TRAPPC9: variants seen among roughly 807,000 people sequenced by gnomAD.
TRAPPC9 encodes trafficking protein particle complex subunit 9, also known as IKK2 binding protein.
In TRAPPC9, 83 loss-of-function variants were observed where a neutral mutation model predicts 124.0. The observed-to-expected ratio is 0.67, with a 90% CI of 0.56 to 0.80. TRAPPC9 has a LOEUF of 0.80. TRAPPC9 is among the 30% of genes least tolerant of loss of function. The probability of loss-of-function intolerance (pLI) is 0.00; values close to 1 mark genes in which losing one functional copy is unlikely to be tolerated. For synonymous variants in TRAPPC9, 638 were observed against 617.5 expected, an observed-to-expected ratio of 1.03 and a Z score of -0.49; for missense variants, 1,302 against 1,508.3, an observed-to-expected ratio of 0.86 and a Z score of 2.27.
At chr8:139,745,514 G>A (rs1818828681) in intron 21 of TRAPPC9, among the ~76,000 whole-genome samples, 2 of 152,242 alleles carry the variant, frequency 1.3e-5, no homozygotes, top group African/African-American at 4.8e-5. Context: ...CCTTCAGCAC[G>A]CTCAAAGCGA....
Position 140,232,411 on chromosome 8 carries a change from T to C in TRAPPC9, c.2432-10828A>G, listed in dbSNP as rs546703737. On this transcript the variant is annotated intron_variant, in intron 16 of 22. Transcript: ENST00000438773. ...AACCTGGCTTCCTCACAAGGTAGTA[T>C]GAACTGCTTTTGTCCTTTTCTCTCT... Among the ~76,000 whole-genome samples, 176 of 141,796 alleles carry C rather than the reference T, an allele frequency of 1.2e-3. 1 individual carries two copies. Among genetic ancestry groups the C allele is most frequent in the African/African-American group, 4.0e-3 (163 of 41,184 alleles). The allele number at this position is 141,796 out of a possible 152,430, so 93.0% of individuals were successfully genotyped here.
chr8:140,329,621 GT>G (rs2066842900), intron 9 of TRAPPC9, among the ~76,000 whole-genome samples: 2 of 152,218 alleles, frequency 1.3e-5, no homozygotes, highest in South Asian at 4.1e-4. Flanking sequence ...CACACTGCTA[GT>G]AAGTGAGGCT....
At chr8:140,414,876 G>C (rs940600691) in intron 5 of TRAPPC9, among the ~76,000 whole-genome samples, 1 of 151,972 alleles carries the variant, frequency 6.6e-6, no homozygotes, top group African/African-American at 2.4e-5. Context: ...CCAGGAGCTG[G>C]GATTACAGAC....
Position 139,745,994 on chromosome 8 carries a change from GAC to G in TRAPPC9, c.3056-13794_3056-13793del, listed in dbSNP as rs142855925. 7.4e-4 allele frequency among the ~76,000 whole-genome samples: 112 copies of G among 152,368 alleles called. 1 individual carries two copies. The East Asian group carries it at 0.018, about 24-fold the overall frequency. On this transcript the variant is annotated intron_variant, in intron 21 of 22. Transcript: ENST00000438773. ...GGACAAGCCTGTTTTGGTTTAAAGAGACAGAGTCAGCACTTCAACCCAGGTCT... is the reference window on the plus strand; with the variant it reads ...GGACAAGCCTGTTTTGGTTTAAAGAGAGAGTCAGCACTTCAACCCAGGTCT...
chr8:139,767,133 A>G lies in TRAPPC9; in HGVS notation c.3056-34931T>C, dbSNP rs76434751. On this transcript the variant is annotated intron_variant, in intron 21 of 22. Transcript: ENST00000438773. ...CCACATGGCTCCAGGTGCTTTACACATCATCTGATTTAGTGGAGACCTGGC... is the reference window on the plus strand; with the variant it reads ...CCACATGGCTCCAGGTGCTTTACACGTCATCTGATTTAGTGGAGACCTGGC... Among the ~76,000 whole-genome samples the G allele has an allele frequency of 7.0e-4, 106 of 152,300 alleles. 1 individual carries two copies. In the East Asian group the frequency reaches 0.012, roughly 17 times the overall value.
chr8:140,444,129 T>A (rs969012528), intron 2 of TRAPPC9, among the ~76,000 whole-genome samples: 1 of 149,960 alleles, frequency 6.7e-6, no homozygotes, highest in South Asian at 2.1e-4. Context: ...AAAGAATTGC[T>A]TGAACCTGGG....
At chr8:139,905,069 AG>A (rs1831264348) in intron 20 of TRAPPC9, among the ~76,000 whole-genome samples, 3 of 152,358 alleles carry the variant, frequency 2.0e-5, no homozygotes, top group South Asian at 4.1e-4. Flanking sequence ...GCTTAAAAGA[AG>A]AAGGTACCAA....
chr8:140,402,602 G>A (rs1443700158), intron 6 of TRAPPC9, among the ~76,000 whole-genome samples: 1 of 151,742 alleles, frequency 6.6e-6, no homozygotes, highest in Non-Finnish European at 1.5e-5. Flanking sequence ...AGCCAGAGGT[G>A]GGGGGATCAC....
At position 140,353,465 on chromosome 8, in the gene TRAPPC9, C is replaced by A. The variant is rs767890902; in HGVS notation, c.1495+6585G>T. Among the ~76,000 whole-genome samples the A allele has an allele frequency of 6.6e-6, 1 of 152,230 alleles. No individual in the cohort carries two copies. Among genetic ancestry groups the A allele is most frequent in the Non-Finnish European group, 1.5e-5 (1 of 68,042 alleles). Reference sequence around the variant, plus strand: ...CCTACATATGGTTGAACCTTACTCGCTCACCTGGGGCTTTTGATCCCAGTC... The same window carrying A: ...CCTACATATGGTTGAACCTTACTCGATCACCTGGGGCTTTTGATCCCAGTC... On this transcript the variant is annotated intron_variant, in intron 9 of 22. Coordinates refer to ENST00000438773, the MANE Select transcript of TRAPPC9 (RefSeq NM_001160372.4). The surrounding 1 kb of genome is among the most constrained non-coding windows in gnomAD (Gnocchi z 4.2).
chr8:140,135,573 T>C (rs555719865), intron 17 of TRAPPC9, among the ~76,000 whole-genome samples: 1 of 152,280 alleles, frequency 6.6e-6, no homozygotes, highest in African/African-American at 2.4e-5. Context: ...TACTGAATCA[T>C]CTAGAATAGG....
chr8:139,852,233 C>G (rs1219442313), intron 21 of TRAPPC9, among the ~76,000 whole-genome samples: 3 of 152,194 alleles, frequency 2.0e-5, no homozygotes, highest in East Asian at 3.8e-4. Context: ...AACTGTGAGT[C>G]CAATTAAACC....
intron 8 of TRAPPC9, among the ~76,000 whole-genome samples, chr8:140,361,752 C>T (rs2067959891): frequency 6.6e-6 from 1 of 151,932 alleles, no homozygotes; most frequent in South Asian, 2.1e-4. Flanking sequence ...TGTCAAAATC[C>T]CCCATTCAGG....
intron 17 of TRAPPC9, among the ~76,000 whole-genome samples, chr8:140,051,172 C>T (rs746441922): frequency 2.0e-5 from 3 of 152,222 alleles, no homozygotes; most frequent in Non-Finnish European, 4.4e-5. Context: ...CACACTCCTC[C>T]CTCCCTCATG....
At chr8:139,793,731 T>C (rs1037319580) in intron 21 of TRAPPC9, among the ~76,000 whole-genome samples, 17 of 152,150 alleles carry the variant, frequency 1.1e-4, no homozygotes, top group African/African-American at 4.1e-4. Context: ...CGGTACACCG[T>C]GGGTGGTACA....
chr8:140,086,828 G>A lies in TRAPPC9; in HGVS notation c.2557-62749C>T, dbSNP rs181591547. On this transcript the variant is annotated intron_variant, in intron 17 of 22. Transcript: ENST00000438773. The stretch of plus-strand genomic sequence containing the variant: ...CAGGCGCCTGTAATCCCAACTACTC[G>A]GGAGGCTGAAGGAGAATTGCTTGAA... 2.5e-3 allele frequency among the ~76,000 whole-genome samples: 379 copies of A among 152,020 alleles called. 1 individual carries two copies. Among genetic ancestry groups the A allele is most frequent in the South Asian group, 8.3e-3 (40 of 4,804 alleles).
intron 18 of TRAPPC9, among the ~76,000 whole-genome samples, chr8:139,990,200 C>T (rs1437022627): frequency 2.6e-5 from 4 of 152,124 alleles, no homozygotes; most frequent in Admixed American, 2.0e-4. Context: ...AAGGGACAAT[C>T]GCCTGTGACT....
chr8:139,996,790 A>G (rs1163044682), intron 18 of TRAPPC9, among the ~76,000 whole-genome samples: 1 of 152,154 alleles, frequency 6.6e-6, no homozygotes, highest in African/African-American at 2.4e-5. Context: ...CCCAGGTTGG[A>G]GTGCAATGGC....
intron 21 of TRAPPC9, among the ~76,000 whole-genome samples, chr8:139,820,613 C>T (rs763396263): frequency 6.6e-6 from 1 of 152,140 alleles, no homozygotes; most frequent in Admixed American, 6.5e-5. Flanking sequence ...ACTACAAAAG[C>T]CATAAAGAAA....
In TRAPPC9 at chr8:139,788,248, G is replaced by C. The variant is rs955092091; in HGVS notation, c.3056-56046C>G. 1.3e-5 allele frequency among the ~76,000 whole-genome samples: 2 copies of C among 152,206 alleles called. No individual in the cohort carries two copies. The highest frequency in any genetic ancestry group is 4.8e-5 in the African/African-American group (2 of 41,452). The stretch of plus-strand genomic sequence containing the variant: ...TGGCCCAGGACTCTGCTGAGCTTCA[G>C]GTCCTGGGTGGCTAATGTGTGTGTC... On this transcript the variant is annotated intron_variant, in intron 21 of 22. Coordinates refer to ENST00000438773, the MANE Select transcript of TRAPPC9 (RefSeq NM_001160372.4). The surrounding 1 kb of genome is among the most constrained non-coding windows in gnomAD (Gnocchi z 4.9).
Sources: allele counts gnomAD v4.1 joint callset (sites outside exome capture counted in the v4.1 genomes callset), GRCh38; gene constraint gnomAD v4.1.1; non-coding constraint Gnocchi (gnomAD v3.1); transcripts MANE v1.5; gene names NCBI Gene and HGNC (gene_info 2026-07-23, HGNC 2026-07-21).